The following IQCM variants were observed in gnomAD, a reference collection of about 807,000 sequenced individuals.
IQCM encodes the protein IQ domain-containing protein M.
IQCM carries 45 observed loss-of-function variants against 57.6 expected under a neutral mutation model. The observed-to-expected ratio is 0.78, with a 90% confidence interval of 0.62 to 1.00. The LOEUF (loss-of-function observed/expected upper bound fraction) is 1.00, where lower values mean the gene tolerates loss of function less well. IQCM is among the 50% of genes least tolerant of loss of function. The pLI is 0.00. For missense variants in IQCM, 468 were observed against 511.6 expected, an observed-to-expected ratio of 0.91 and a Z score of 0.82; for synonymous variants, 148 against 158.9, an observed-to-expected ratio of 0.93 and a Z score of 0.51.
chr4:149,769,799 A>T (rs1770402131), intron 2 of IQCM, among the ~76,000 whole-genome samples: 1 of 152,064 alleles, frequency 6.6e-6, no homozygotes. Context: ...GTAAAAACCT[A>T]ATAAAACTGC....
At chr4:149,702,387 A>AT (rs1763843872) in intron 5 of IQCM, among the ~76,000 whole-genome samples, 1 of 151,646 alleles carries the variant, frequency 6.6e-6, no homozygotes, top group East Asian at 1.9e-4. Context: ...TTATTAACTT[A>AT]TTCTGCCCCA....
chr4:149,750,845 T>G (rs913889578), intron 2 of IQCM, among the ~76,000 whole-genome samples: 3 of 152,184 alleles, frequency 2.0e-5, no homozygotes, highest in African/African-American at 7.2e-5. Flanking sequence ...ATACACTAAA[T>G]TAGAGGCCAA....
chr4:149,742,943 CAT>C (rs1767593894), intron 2 of IQCM, among the ~76,000 whole-genome samples: 1 of 152,038 alleles, frequency 6.6e-6, no homozygotes. Context: ...ATCGAGTACT[CAT>C]ATACACATTG....
intron 12 of IQCM, among the ~76,000 whole-genome samples, chr4:149,524,572 G>C (rs1162349199): frequency 2.0e-5 from 3 of 151,728 alleles, no homozygotes; most frequent in African/African-American, 7.3e-5. Flanking sequence ...GCATTGTAAA[G>C]GGAGAACAAC....
At position 149,462,380 on chromosome 4, in the gene IQCM, C is replaced by T. The variant is rs141409708; in HGVS notation, c.1229-28823G>A. ...CAGTCAAAATAATGATAAATAACTA[C>T]ACAGAATGGAAGGCCAAGCCCACTG... is the stretch of plus-strand genomic sequence containing the variant. On this transcript the variant is annotated intron_variant, in intron 12 of 13. Transcript: ENST00000636793. Among the ~76,000 whole-genome samples the T allele has an allele frequency of 2.5e-3, 382 of 152,278 alleles. 2 individuals carry two copies. Among genetic ancestry groups the T allele is most frequent in the Non-Finnish European group, 4.6e-3 (315 of 68,028 alleles).
chr4:149,550,579 C>A (rs907288197), intron 11 of IQCM, among the ~76,000 whole-genome samples: 4 of 152,034 alleles, frequency 2.6e-5, no homozygotes, highest in East Asian at 1.9e-4. Flanking sequence ...GTATATTATG[C>A]CCTATGAGCA....
intron 2 of IQCM, among the ~76,000 whole-genome samples, chr4:149,758,226 G>A (rs573091744): frequency 6.6e-6 from 1 of 152,232 alleles, no homozygotes; most frequent in South Asian, 2.1e-4. Flanking sequence ...GGGATCTATG[G>A]ACAAAAGACA....
intron 2 of IQCM, among the ~76,000 whole-genome samples, chr4:149,784,167 C>T (rs1408542510): frequency 6.6e-6 from 1 of 152,178 alleles, no homozygotes; most frequent in Non-Finnish European, 1.5e-5. Flanking sequence ...CCGTCTTACT[C>T]AGAGTAAAAT....
intron 13 of IQCM, among the ~76,000 whole-genome samples, chr4:149,411,742 A>G (rs1733393975): frequency 6.6e-6 from 1 of 152,174 alleles, no homozygotes; most frequent in Non-Finnish European, 1.5e-5. Context: ...GGTATTTTTA[A>G]TTGGGTACTA....
chr4:149,765,909 G>A lies in IQCM; in HGVS notation c.-48-23170C>T, dbSNP rs566466106. The stretch of plus-strand genomic sequence containing the variant: ...GTGGCCCCTACCCAGAAACTGACTC[G>A]CACCCAAGAAATTTTTTGACCAAGA... On this transcript the variant is annotated intron_variant, in intron 2 of 13. Coordinates refer to ENST00000636793, the MANE Select transcript of IQCM (RefSeq NM_001363507.2). 2.5e-3 allele frequency among the ~76,000 whole-genome samples: 377 copies of A among 151,784 alleles called. 1 individual carries two copies. The highest frequency in any genetic ancestry group is 8.4e-3 in the African/African-American group (349 of 41,408).
chr4:149,749,615 T>C (rs1768245898), intron 2 of IQCM, among the ~76,000 whole-genome samples: 1 of 152,076 alleles, frequency 6.6e-6, no homozygotes, highest in South Asian at 2.1e-4. Flanking sequence ...CAGAGGGTGA[T>C]TATAGAGATG....
At chr4:149,777,070 T>C (rs904507877) in intron 2 of IQCM, among the ~76,000 whole-genome samples, 1 of 152,146 alleles carries the variant, frequency 6.6e-6, no homozygotes, top group Non-Finnish European at 1.5e-5. Flanking sequence ...ACCTCTAAAG[T>C]ACCTGGTTTG....
chr4:149,445,817 C>A (rs550452183), intron 12 of IQCM, among the ~76,000 whole-genome samples: 4 of 151,808 alleles, frequency 2.6e-5, no homozygotes, highest in Non-Finnish European at 5.9e-5. Flanking sequence ...TTTAAGATTG[C>A]AGTTGAAAAT....
chr4:149,518,569 G>A (rs972063544), intron 12 of IQCM, among the ~76,000 whole-genome samples: 15 of 152,006 alleles, frequency 9.9e-5, no homozygotes, highest in African/African-American at 3.4e-4. Flanking sequence ...AAGTCACATG[G>A]GTCATATAAA....
intron 13 of IQCM, among the ~76,000 whole-genome samples, chr4:149,418,250 G>T (rs1223366649): frequency 6.6e-6 from 1 of 151,670 alleles, no homozygotes; most frequent in Non-Finnish European, 1.5e-5. Context: ...AATAAAAAAA[G>T]ATAAAGGGGA....
chr4:149,670,244 G>A (rs1262703754), intron 7 of IQCM, among the ~76,000 whole-genome samples: 3 of 152,116 alleles, frequency 2.0e-5, no homozygotes, highest in African/African-American at 7.2e-5. Flanking sequence ...AAGCAATTGT[G>A]AATGGGAATT....
intron 13 of IQCM, among the ~76,000 whole-genome samples, chr4:149,417,548 C>A (rs758038526): frequency 2.4e-4 from 37 of 152,142 alleles, no homozygotes; most frequent in Non-Finnish European, 5.9e-5. Flanking sequence ...ATTTAATAAT[C>A]TTCTAATGTG....
intron 7 of IQCM, among the ~76,000 whole-genome samples, chr4:149,676,604 G>A (rs1003204445): frequency 3.3e-5 from 5 of 151,950 alleles, no homozygotes; most frequent in South Asian, 2.1e-4. Context: ...AAGATTTGAC[G>A]CTAGAAACTG....
Position 149,434,861 on chromosome 4 carries a change from G to A in IQCM, c.1229-1304C>T, listed in dbSNP as rs551642992. On this transcript the variant is annotated intron_variant, in intron 12 of 13. Transcript: ENST00000636793. ...CACTCCCCTCCTCCCATCACTGGGCGCTTCCTAGATAGTTCCACCAGTGCA... is the reference window on the plus strand; with the variant it reads ...CACTCCCCTCCTCCCATCACTGGGCACTTCCTAGATAGTTCCACCAGTGCA... Among the ~76,000 whole-genome samples the A allele has an allele frequency of 4.6e-5, 7 of 152,090 alleles. No homozygotes were observed. In the East Asian group the frequency reaches 5.9e-4, roughly 13 times the overall value.
Sources: gnomAD v4.1 joint callset for allele counts (sites outside exome capture counted in the v4.1 genomes callset) on GRCh38, gnomAD v4.1.1 for gene constraint, MANE v1.5 for transcripts, NCBI Gene and HGNC (gene_info 2026-07-23, HGNC 2026-07-21) for gene names.